LAMB2: variants seen among roughly 807,000 people sequenced by gnomAD.
The protein encoded by LAMB2 is laminin subunit beta 2.
A neutral mutation model predicts 202.7 loss-of-function variants in LAMB2; 119 were observed. The observed-to-expected ratio is 0.59, with a 90% CI of 0.51 to 0.68. The LOEUF is 0.68. Among genes scored for constraint, LAMB2 ranks in the 30% least tolerant of loss-of-function variants. The pLI is 0.00. For missense variants in LAMB2, 2,124 were observed against 2,410.6 expected, an observed-to-expected ratio of 0.88 and a Z score of 2.49; for synonymous variants, 818 against 902.2, an observed-to-expected ratio of 0.91 and a Z score of 1.67.
intron 16 of LAMB2, 27 bp downstream of exon 16, chr3:49,126,338 T>A (rs2045414742): frequency 6.2e-7 from 1 of 1,613,952 alleles, no homozygotes; most frequent in African/African-American, 1.3e-5. Context: ...CCATCTTGGT[T>A]GGTGTGGGCA....
chr3:49,123,119 A>C lies in LAMB2; in HGVS notation c.4224+13T>G. ...TCTACACCCACCTGCCCCACCCAAC[A>C]CTTCAACCTCACCAGCTCATTTATG... On this transcript the variant is annotated intron_variant, in intron 26 of 31. Coordinates refer to ENST00000305544, the MANE Select transcript of LAMB2 (RefSeq NM_002292.4). 1 of 1,609,606 alleles carries C rather than the reference A, an allele frequency of 6.2e-7. No homozygotes were observed. Among genetic ancestry groups the C allele is most frequent in the Non-Finnish European group, 8.5e-7 (1 of 1,179,932 alleles).
At position 49,130,267 on chromosome 3, in the gene LAMB2, G is replaced by C. The variant is rs1415067059; in HGVS notation, c.1189C>G (p.Pro397Ala). 6.2e-7 allele frequency: 1 copy of C among 1,614,236 alleles called. No homozygotes were observed. Among genetic ancestry groups the C allele is most frequent in the Non-Finnish European group, 8.5e-7 (1 of 1,180,054 alleles). ...GCCGGATCCCGCAGGTCCTTGGTTG[G>C]GTCACGGTAGAAGAAGGGCCGACAG... ...ELCRPFFYRD[P>A]TKDLRDPAVC... Residue 397 changes from proline (P) to alanine (A), a missense_variant, in exon 9 of 32, where the codon CCA becomes GCA. Coordinates refer to ENST00000305544, the MANE Select transcript of LAMB2 (RefSeq NM_002292.4). The surrounding 1 kb of genome is among the most constrained non-coding windows in gnomAD (Gnocchi z 5.0).
rs1425339430 is a variant in LAMB2 at position 49,128,793 on chromosome 3, C to T, written c.1758G>A (p.Val586=). The change falls in exon 14 of 32, where the codon GTG becomes GTA. Residue 586 remains valine (V), a synonymous_variant. Coordinates refer to ENST00000305544, the MANE Select transcript of LAMB2 (RefSeq NM_002292.4). ...GQVLDVVERL[V]TPGETPSWTG... is the part of the protein sequence containing the mutation. ...TCCAGGATGGAGTTTCCCCGGGGGT[C>T]ACCAGGCGCTCCACCACATCGAGCA... The T allele has an allele frequency of 1.2e-6, 2 of 1,613,630 alleles. No individual in the cohort carries two copies. Among genetic ancestry groups the T allele is most frequent in the East Asian group, 2.2e-5 (1 of 44,872 alleles).
chr3:49,124,194 G>T lies in LAMB2; in HGVS notation c.3420C>A (p.Cys1140Ter). 6.2e-7 allele frequency: 1 copy of T among 1,614,008 alleles called. No individual in the cohort carries two copies. Among genetic ancestry groups the T allele is most frequent in the Non-Finnish European group, 8.5e-7 (1 of 1,179,938 alleles). The change falls in exon 23 of 32, where the codon TGC (cysteine) becomes TGA (stop). Residue 1140 changes from cysteine to a stop codon, truncating the protein, a stop_gained. Coordinates refer to ENST00000305544, the MANE Select transcript of LAMB2 (RefSeq NM_002292.4). LOFTEE classifies it high-confidence loss of function. The part of the protein sequence containing the change: ...ELHWGDPGLQ[C>*]HACDCDSRGI... ...TGGCCCCGCTGGCTCCCTCACCATGGCACTGCAACCCAGGGTCTCCCCAGT... is the reference window on the plus strand; with the variant it reads ...TGGCCCCGCTGGCTCCCTCACCATGTCACTGCAACCCAGGGTCTCCCCAGT...
chr3:49,122,703 C>T lies in LAMB2; in HGVS notation c.4573+1G>A, dbSNP rs1387723456. On this transcript the variant is annotated splice_donor_variant, in intron 27 of 31. Coordinates refer to ENST00000305544, the MANE Select transcript of LAMB2 (RefSeq NM_002292.4). LOFTEE classifies it high-confidence loss of function. ...TGGCCTGGGACACGTGGGAGGCTCA[C>T]GGTTGAGGAAGTCCTTCACACTCTG... 6 of 1,612,656 alleles carry T rather than the reference C, an allele frequency of 3.7e-6. No homozygotes were observed. Among genetic ancestry groups the T allele is most frequent in the South Asian group, 2.2e-5 (2 of 91,034 alleles).
Position 49,123,456 on chromosome 3 carries a change from T to A in LAMB2, c.3973A>T (p.Asn1325Tyr). Reference sequence around the variant, plus strand: ...TTGGCTAACAACTCACCCAGGAAGTTTGAATGTTTGAGCAAGTCAAGATGC... The same window carrying A: ...TTGGCTAACAACTCACCCAGGAAGTATGAATGTTTGAGCAAGTCAAGATGC... ...DQHLDLLKHS[N>Y]FLGAYDSIRH... The change falls in exon 25 of 32, where the codon AAC becomes TAC. Residue 1325 changes from asparagine (N) to tyrosine (Y), a missense_variant. Around this residue, in one of 3 missense-constraint regions of LAMB2, gnomAD observed 1,702 missense variants for 1,896.3 expected, o/e 0.90. Transcript: ENST00000305544. 6.2e-7 allele frequency: 1 copy of A among 1,614,076 alleles called. No individual in the cohort carries two copies. The highest frequency in any genetic ancestry group is 8.5e-7 in the Non-Finnish European group (1 of 1,180,030).
At position 49,124,739 on chromosome 3, in the gene LAMB2, G is replaced by A. The variant is rs368506627; in HGVS notation, c.3071C>T (p.Pro1024Leu). 5.6e-4 allele frequency: 898 copies of A among 1,614,242 alleles called. 7 individuals carry two copies. The South Asian group carries it at 9.4e-3, about 17-fold the overall frequency. Reference protein sequence around the residue: ...TEGPHCAHCKPGFHGQAARQS... With the variant: ...TEGPHCAHCKLGFHGQAARQS... ...TCGGGCAGCCTGCCCATGGAAGCCA[G>A]GCTTGCAGTGGGCACAGTGTGGACC... is the stretch of plus-strand genomic sequence containing the variant. Residue 1024 changes from proline to leucine, a missense_variant, in exon 21 of 32, where the codon CCT becomes CTT. By Grantham distance (98) the Pro-to-Leu change is moderately conservative (BLOSUM62 -3). Around this residue, in one of 3 missense-constraint regions of LAMB2, gnomAD observed 1,702 missense variants for 1,896.3 expected, o/e 0.90. Coordinates refer to ENST00000305544, the MANE Select transcript of LAMB2 (RefSeq NM_002292.4).
chr3:49,128,511 C>A lies in LAMB2; in HGVS notation c.1965G>T (p.Gly655=), dbSNP rs773783751. The change falls in exon 15 of 32, where the codon GGG becomes GGT. Residue 655 remains glycine (G), a synonymous_variant. Coordinates refer to ENST00000305544, the MANE Select transcript of LAMB2 (RefSeq NM_002292.4). ...PGPVPAHSLC[G]HLVPKDDRIQ... ...TGCGATCATCCTTGGGCACCAAATG[C>A]CCACACAGGCTGTGGGCAGGCACAG... 1.9e-6 allele frequency: 3 copies of A among 1,614,078 alleles called. No individual in the cohort carries two copies. The highest frequency in any genetic ancestry group is 1.3e-5 in the African/African-American group (1 of 74,950).
chr3:49,130,741 C>G lies in LAMB2; in HGVS notation c.1035G>C (p.Arg345Ser). The G allele has an allele frequency of 2.5e-6, 4 of 1,613,922 alleles. No homozygotes were observed. The highest frequency in any genetic ancestry group is 3.4e-6 in the Non-Finnish European group (4 of 1,180,014). Reference sequence around the variant, plus strand: ...TATGGAGGCCAAGATCTCACTCACTCCTACAGGCATGACTATGGCCGTCCT... The same window carrying G: ...TATGGAGGCCAAGATCTCACTCACTGCTACAGGCATGACTATGGCCGTCCT... Reference protein sequence around the residue: ...PAEDGHSHACRKCECHGHTHS... With the variant: ...PAEDGHSHACSKCECHGHTHS... Residue 345 changes from arginine to serine, a missense_variant and splice_region_variant, in exon 8 of 32, where the codon AGG becomes AGC. Arg to Ser is a moderately radical substitution (Grantham distance 110). This residue lies in a region of LAMB2 where 256 missense variants were observed against 356.1 expected (regional missense o/e 0.72). Transcript: ENST00000305544. This position sits in a 1 kb window ranked among gnomAD's most constrained non-coding sequence, Gnocchi z 5.0.
At position 49,121,506 on chromosome 3, in the gene LAMB2, T is replaced by TG. The variant is rs1294055965; in HGVS notation, c.5186dup (p.Arg1730LysfsTer8). The stretch of plus-strand genomic sequence containing the variant: ...CCTCATCCCGCAGTTGTTCTGCCCT[T>TG]GCCTGTGCAGCCAGCACACCTTGGG... On this transcript the variant is annotated frameshift_variant, in exon 31 of 32. Transcript: ENST00000305544. LOFTEE classifies it high-confidence loss of function. The TG allele has an allele frequency of 6.2e-7, 1 of 1,614,080 alleles. No homozygotes were observed. The highest frequency in any genetic ancestry group is 1.1e-5 in the South Asian group (1 of 91,090).
chr3:49,124,208 G>T lies in LAMB2; in HGVS notation c.3406C>A (p.Pro1136Thr), dbSNP rs781327110. The change falls in exon 23 of 32, where the codon CCT becomes ACT. Residue 1136 changes from proline to threonine, a missense_variant. By Grantham distance (38) the Pro-to-Thr change is conservative (BLOSUM62 -1). This residue lies in a region of LAMB2 where 1,702 missense variants were observed against 1,896.3 expected (regional missense o/e 0.90). Coordinates refer to ENST00000305544, the MANE Select transcript of LAMB2 (RefSeq NM_002292.4). ...CCCTCACCATGGCACTGCAACCCAG[G>T]GTCTCCCCAGTGGAGCTCTTGGCAC... is the stretch of plus-strand genomic sequence containing the variant. ...SECQELHWGDPGLQCHACDCD... is the reference protein window; with the variant it reads ...SECQELHWGDTGLQCHACDCD... The T allele has an allele frequency of 1.1e-5, 17 of 1,614,012 alleles. No homozygotes were observed. The highest frequency in any genetic ancestry group is 1.4e-5 in the Non-Finnish European group (16 of 1,179,938).
intron 15 of LAMB2, among the ~76,000 whole-genome samples, chr3:49,128,036 A>AG (rs1243236972): frequency 6.0e-5 from 9 of 149,786 alleles, no homozygotes; most frequent in African/African-American, 1.7e-4. Flanking sequence ...AAAAAAAAAA[A>AG]AAAGAAAAGA....
chr3:49,130,935 T>G lies in LAMB2; in HGVS notation c.915+15A>C. 1 of 1,614,106 alleles carries G rather than the reference T, an allele frequency of 6.2e-7. No homozygotes were observed. The highest frequency in any genetic ancestry group is 8.5e-7 in the Non-Finnish European group (1 of 1,180,028). ...CCTGCCCCTAGCCCTATCCCAACCGTCTGAAGCCCCTTACCATGCCCTCAG... is the reference window on the plus strand; with the variant it reads ...CCTGCCCCTAGCCCTATCCCAACCGGCTGAAGCCCCTTACCATGCCCTCAG... On this transcript the variant is annotated intron_variant, in intron 7 of 31. Coordinates refer to ENST00000305544, the MANE Select transcript of LAMB2 (RefSeq NM_002292.4). The surrounding 1 kb of genome is among the most constrained non-coding windows in gnomAD (Gnocchi z 5.0).
rs765736533 is a variant in LAMB2, at chr3:49,130,382, G to A, written c.1074C>T (p.Phe358=). The change falls in exon 9 of 32, where the codon TTC becomes TTT. Residue 358 remains phenylalanine (F), a synonymous_variant. Transcript: ENST00000305544. This position sits in a 1 kb window ranked among gnomAD's most constrained non-coding sequence, Gnocchi z 5.0. The part of the protein sequence containing the change: ...ECHGHTHSCH[F]DMAVYLASGN... ...CAGATGCCAGGTATACGGCCATGTC[G>A]AAGTGGCAGCTGTGGGTGTGCCCAT... 6.8e-6 allele frequency: 11 copies of A among 1,613,956 alleles called. No homozygotes were observed. The highest frequency in any genetic ancestry group is 1.1e-5 in the South Asian group (1 of 91,084).
chr3:49,129,986 C>A lies in LAMB2; in HGVS notation c.1258G>T (p.Gly420Cys). 1 of 1,614,052 alleles carries A rather than the reference C, an allele frequency of 6.2e-7. No individual in the cohort carries two copies. Among genetic ancestry groups the A allele is most frequent in the Admixed American group, 1.7e-5 (1 of 60,032 alleles). ...CDCDPMGSQD[G>C]GRCDSHDDPA... ...TCATCATGGGAATCACAGCGACCACCGTCTTGAGAACCCATGGGGTCACAA... is the reference window on the plus strand; with the variant it reads ...TCATCATGGGAATCACAGCGACCACAGTCTTGAGAACCCATGGGGTCACAA... Residue 420 changes from glycine (G) to cysteine (C), a missense_variant, in exon 10 of 32, where the codon GGT (glycine) becomes TGT (cysteine). Transcript: ENST00000305544. This position sits in a 1 kb window ranked among gnomAD's most constrained non-coding sequence, Gnocchi z 6.1.
In LAMB2 at chr3:49,132,540, G is replaced by C; in HGVS notation, c.200C>G (p.Thr67Ser). Residue 67 changes from threonine (T) to serine (S), a missense_variant, in exon 2 of 32, where the codon ACT becomes AGT. By Grantham distance (58) the Thr-to-Ser change is moderately conservative (BLOSUM62 1). This residue lies in a region of LAMB2 where 166 missense variants were observed against 158.2 expected (regional missense o/e 1.05). Transcript: ENST00000305544. The surrounding 1 kb of genome is among the most constrained non-coding windows in gnomAD (Gnocchi z 4.6). ...GRADRLTASSTCGLNGPQPYC... is the reference protein window; with the variant it reads ...GRADRLTASSSCGLNGPQPYC... ...GGGCTGGGGGCCATTCAGGCCACAAGTGGATGAGGCAGTCAGTCTGTCAGC... is the reference window on the plus strand; with the variant it reads ...GGGCTGGGGGCCATTCAGGCCACAACTGGATGAGGCAGTCAGTCTGTCAGC... 2 of 1,613,746 alleles carry C rather than the reference G, an allele frequency of 1.2e-6. No homozygotes were observed. The highest frequency in any genetic ancestry group is 1.7e-6 in the Non-Finnish European group (2 of 1,180,040).
At position 49,129,330 on chromosome 3, in the gene LAMB2, C is replaced by T. The variant is rs755545118; in HGVS notation, c.1519-6G>A. ...CTCAGGCCCCAGTGGCCAGGCTGCA[C>T]GAAAGGAGTTGCTGGGGGCCAGAAA... On this transcript the variant is annotated splice_polypyrimidine_tract_variant and splice_region_variant and intron_variant, in intron 11 of 31. Transcript: ENST00000305544. This position sits in a 1 kb window ranked among gnomAD's most constrained non-coding sequence, Gnocchi z 6.1. 36 of 1,610,996 alleles carry T rather than the reference C, an allele frequency of 2.2e-5. No individual in the cohort carries two copies. The highest frequency in any genetic ancestry group is 2.2e-4 in the East Asian group (10 of 44,850).
rs1440252116 is a variant in LAMB2 at position 49,130,247 on chromosome 3, A to G, written c.1209T>C (p.Asp403=). Residue 403 remains aspartate, a synonymous_variant, in exon 9 of 32, where the codon GAT becomes GAC. Coordinates refer to ENST00000305544, the MANE Select transcript of LAMB2 (RefSeq NM_002292.4). The surrounding 1 kb of genome is among the most constrained non-coding windows in gnomAD (Gnocchi z 5.0). ...FYRDPTKDLR[D]PAVCRSCDCD... ...CAGCCTCACAGCGGCACACAGCCGGATCCCGCAGGTCCTTGGTTGGGTCAC... is the reference window on the plus strand; with the variant it reads ...CAGCCTCACAGCGGCACACAGCCGGGTCCCGCAGGTCCTTGGTTGGGTCAC... 1 of 1,614,086 alleles carries G rather than the reference A, an allele frequency of 6.2e-7. No individual in the cohort carries two copies. Among genetic ancestry groups the G allele is most frequent in the East Asian group, 2.2e-5 (1 of 44,894 alleles).
rs1405664091 is a variant in LAMB2 at position 49,123,959 on chromosome 3, G to A, written c.3566C>T (p.Pro1189Leu). 4 of 1,613,312 alleles carry A rather than the reference G, an allele frequency of 2.5e-6. No individual in the cohort carries two copies. In the African/African-American group the frequency reaches 4.0e-5, roughly 16 times the overall value. Residue 1189 changes from proline (P) to leucine (L), a missense_variant, in exon 24 of 32, where the codon CCC becomes CTC. This residue lies in a region of LAMB2 where 1,702 missense variants were observed against 1,896.3 expected (regional missense o/e 0.90). Coordinates refer to ENST00000305544, the MANE Select transcript of LAMB2 (RefSeq NM_002292.4). Reference sequence around the variant, plus strand: ...CCAATCCCCGAAGCATGCATGGCAGGGATGGCAGGCAGGAAAGATTCCTGA... The same window carrying A: ...CCAATCCCCGAAGCATGCATGGCAGAGATGGCAGGCAGGAAAGATTCCTGA... ...GFSGIFPACH[P>L]CHACFGDWDR...
Sources: gnomAD v4.1 joint callset for allele counts (sites outside exome capture counted in the v4.1 genomes callset) on GRCh38, gnomAD v4.1.1 for gene constraint, gnomAD v4.1.1 regional missense constraint, Gnocchi (gnomAD v3.1) non-coding constraint, MANE v1.5 for transcripts, NCBI Gene and HGNC (gene_info 2026-07-23, HGNC 2026-07-21) for gene names.